Variants in ERAP1 observed in about 807,000 individuals in gnomAD.
ERAP1 encodes adipocyte-derived leucine aminopeptidase.
Under a neutral mutation model 103.7 loss-of-function variants are expected in ERAP1, and 86 were observed. The observed-to-expected ratio is 0.83, with a 90% CI of 0.70 to 0.99. The LOEUF (loss-of-function observed/expected upper bound fraction) is 0.99. Ranked by LOEUF, ERAP1 falls within the 50% of genes least tolerant of loss-of-function variation. ERAP1 has a pLI of 0.00. For missense variants in ERAP1, 1,009 were observed against 1,128.4 expected, an observed-to-expected ratio of 0.89 and a Z score of 1.52; for synonymous variants, 398 against 402.4, an observed-to-expected ratio of 0.99 and a Z score of 0.13.
intron 3 of ERAP1, among the ~76,000 whole-genome samples, chr5:96,797,923 G>A (rs1441588115): frequency 1.3e-5 from 2 of 152,138 alleles, no homozygotes; most frequent in African/African-American, 4.8e-5. Flanking sequence ...CTTAAATACA[G>A]GTTTGAGAAT....
At chr5:96,814,835 A>C in the ERAP1 span, among the ~76,000 whole-genome samples, 1 of 152,232 alleles carries the variant, frequency 6.6e-6, no homozygotes, top group Non-Finnish European at 1.5e-5. Context: ...AAAGTTGAAG[A>C]GACTTTTAAC....
At chr5:96,801,801 G>A (rs1302245193) in intron 2 of ERAP1, among the ~76,000 whole-genome samples, 14 of 129,058 alleles carry the variant, frequency 1.1e-4, no homozygotes, top group East Asian at 7.3e-4. Flanking sequence ...GCGGTGAGCC[G>A]AGTTCGCGCC....
the ERAP1 span, among the ~76,000 whole-genome samples, chr5:96,872,945 T>A: frequency 6.6e-6 from 1 of 152,178 alleles, no homozygotes; most frequent in Non-Finnish European, 1.5e-5. Flanking sequence ...ATCCCAGCAC[T>A]TTGGGAGGCC....
chr5:96,846,908 G>T, the ERAP1 span, among the ~76,000 whole-genome samples: 3 of 151,684 alleles, frequency 2.0e-5, no homozygotes, highest in Non-Finnish European at 4.4e-5. Context: ...CTGGTCATTG[G>T]AATGGCATAA....
At chr5:96,874,136 GAGAAAGAAAGAAAGAA>G in the ERAP1 span, among the ~76,000 whole-genome samples, 726 of 118,870 alleles carry the variant, frequency 6.1e-3, 8 homozygotes, top group African/African-American at 0.021. Flanking sequence ...GAAAGAGAGA[GAGAAAGAAAGAAAGAA>G]AGAAAGAAAG....
chr5:96,921,083 C>T, the ERAP1 span, among the ~76,000 whole-genome samples: 4 of 152,146 alleles, frequency 2.6e-5, no homozygotes, highest in African/African-American at 7.2e-5. Context: ...AGAGACTGTA[C>T]CTGAATTTTG....
chr5:96,886,600 T>C, the ERAP1 span: 3 of 1,415,854 alleles, frequency 2.1e-6, no homozygotes, highest in Non-Finnish European at 2.8e-6. Context: ...GTCATAGGCA[T>C]GGTTATGAAA....
chr5:96,815,002 C>A, the ERAP1 span, among the ~76,000 whole-genome samples: 3 of 152,180 alleles, frequency 2.0e-5, no homozygotes, highest in Non-Finnish European at 4.4e-5. Context: ...CCAGCTCTGG[C>A]AGCAAGACCA....
chr5:96,902,347 A>G, the ERAP1 span: 1 of 1,606,594 alleles, frequency 6.2e-7, no homozygotes, highest in South Asian at 1.1e-5. Flanking sequence ...TCTAAAATCA[A>G]AGACAGGTAA....
chr5:96,813,493 A>T, the ERAP1 span, among the ~76,000 whole-genome samples: 1 of 151,858 alleles, frequency 6.6e-6, no homozygotes, highest in African/African-American at 2.4e-5. Flanking sequence ...GCTCTACTAA[A>T]ATACAAAAAT....
rs1057363492 is a variant in ERAP1, at chr5:96,787,411, G to A, written c.1680-862C>T. On this transcript the variant is annotated intron_variant, in intron 11 of 18. Transcript: ENST00000443439. ...CTCCTGAGTAGCTGGGACTACAGGC[G>A]CCCGCCACCATGCCCGGCTAATTTT... is the stretch of plus-strand genomic sequence containing the variant. Among the ~76,000 whole-genome samples, 9 of 151,968 alleles carry A rather than the reference G, an allele frequency of 5.9e-5. No homozygotes were observed. In the East Asian group the frequency reaches 9.7e-4, roughly 16 times the overall value.
At chr5:96,764,457 T>A (rs776745661) in intron 19 of ERAP1, among the ~76,000 whole-genome samples, 32 of 152,198 alleles carry the variant, frequency 2.1e-4, no homozygotes, top group Non-Finnish European at 3.8e-4. Context: ...CCAGCTCCCA[T>A]TTCTGCAATT....
the ERAP1 span, among the ~76,000 whole-genome samples, chr5:96,855,481 C>A: frequency 2.6e-5 from 4 of 152,062 alleles, no homozygotes; most frequent in Non-Finnish European, 4.4e-5. Flanking sequence ...AAAAAAAACC[C>A]AGGTGGGTGG....
At chr5:96,805,345 G>GGT (rs1778467783) in intron 1 of ERAP1, among the ~76,000 whole-genome samples, 2 of 104,046 alleles carry the variant, frequency 1.9e-5, no homozygotes, top group South Asian at 3.0e-4. Context: ...TCTGGTTTTT[G>GGT]GTTTTTTTTT....
intron 18 of ERAP1, among the ~76,000 whole-genome samples, chr5:96,777,225 T>C (rs1398227184): frequency 1.3e-5 from 2 of 152,256 alleles, no homozygotes; most frequent in Non-Finnish European, 2.9e-5. Flanking sequence ...TGAGCTCACA[T>C]GACAGATAGG....
the ERAP1 span, chr5:96,909,839 G>A: frequency 1.4e-6 from 2 of 1,448,656 alleles, no homozygotes; most frequent in Admixed American, 4.6e-5. Context: ...CAAGACATTA[G>A]GTCTAAAACC....
chr5:96,847,369 A>G, the ERAP1 span, among the ~76,000 whole-genome samples: 2 of 152,176 alleles, frequency 1.3e-5, no homozygotes, highest in Non-Finnish European at 2.9e-5. Flanking sequence ...GCAGCACAAT[A>G]CTAGTAGAGG....
At chr5:96,859,811 T>C in the ERAP1 span, among the ~76,000 whole-genome samples, 3 of 152,196 alleles carry the variant, frequency 2.0e-5, no homozygotes, top group Non-Finnish European at 2.9e-5. Context: ...CAACTATGAC[T>C]CTGACCTATT....
chr5:96,832,257 T>C, the ERAP1 span, among the ~76,000 whole-genome samples: 26 of 152,344 alleles, frequency 1.7e-4, no homozygotes, highest in African/African-American at 4.8e-4. Context: ...TGGTGTATGA[T>C]AGAACTTCTG....
Sources: allele counts gnomAD v4.1 joint callset (sites outside exome capture counted in the v4.1 genomes callset), GRCh38; gene constraint gnomAD v4.1.1; transcripts MANE v1.5; gene names NCBI Gene and HGNC (gene_info 2026-07-23, HGNC 2026-07-21).